Variants in MTMR4 observed in about 807,000 individuals in gnomAD.
The protein encoded by MTMR4 is phosphatidylinositol-3,5-bisphosphate 3-phosphatase MTMR4.
MTMR4 carries 30 observed loss-of-function variants against 125.5 expected under a neutral mutation model. The observed-to-expected ratio is 0.24, with a 90% CI of 0.18 to 0.32. MTMR4 has a LOEUF of 0.32. Ranked by LOEUF, MTMR4 falls within the 10% of genes least tolerant of loss-of-function variation. MTMR4 has a pLI of 1.00. For synonymous variants in MTMR4, 498 were observed against 564.5 expected, an observed-to-expected ratio of 0.88 and a Z score of 1.67; for missense variants, 1,039 against 1,511.5, an observed-to-expected ratio of 0.69 and a Z score of 5.18.
At chr17:58,515,107 A>G, upstream of MTMR4, 6 of 957,744 alleles carry the variant, frequency 6.3e-6, no homozygotes, top group Non-Finnish European at 7.5e-6. Context: ...TGAGCTTTTT[A>G]TTCCAACGCC....
upstream of MTMR4, among the ~76,000 whole-genome samples, chr17:58,518,460 T>C (rs1230468714): frequency 1.3e-5 from 2 of 152,118 alleles, no homozygotes; most frequent in South Asian, 4.1e-4. Context: ...TCAGTCTTGG[T>C]CATCTCCGAC....
chr17:58,512,736 G>T lies in MTMR4; in HGVS notation c.135+116C>A. ...CAAACCCTCCTCCTCCAGAGACCAG[G>T]GAACATGAAGCCAGAGCTCTGGTAC... is the stretch of plus-strand genomic sequence containing the variant. On this transcript the variant is annotated intron_variant, in intron 2 of 17. Coordinates refer to ENST00000682306, the MANE Select transcript of MTMR4 (RefSeq NM_001378067.1). The surrounding 1 kb of genome is among the most constrained non-coding windows in gnomAD (Gnocchi z 4.1). The T allele has an allele frequency of 1.1e-6, 1 of 936,594 alleles. No individual in the cohort carries two copies. Among genetic ancestry groups the T allele is most frequent in the Non-Finnish European group, 1.7e-6 (1 of 599,264 alleles). 58.0% of individuals were successfully genotyped at this position (936,594 alleles called of 1,614,324 possible). A position where few individuals can be genotyped will look rare whatever the true frequency, so the allele number is the denominator to read the frequency against.
chr17:58,515,393 T>G (rs1950913818), upstream of MTMR4, among the ~76,000 whole-genome samples: 2 of 152,156 alleles, frequency 1.3e-5, no homozygotes, highest in African/African-American at 4.8e-5. Context: ...AACCCCAAAC[T>G]TCCTGCACCT....
Position 58,495,773 on chromosome 17 carries a change from G to C in MTMR4, c.2411C>G (p.Pro804Arg). The stretch of plus-strand genomic sequence containing the variant: ...CATGGAGTCTGGCTGGGCCTGTTGG[G>C]GCGTACCTGTAGGAGAGTTCTGGGA... ...ESSQNSPTGT[P>R]QQAQPDSMLG... Residue 804 changes from proline to arginine, a missense_variant, in exon 15 of 18, where the codon CCC (proline) becomes CGC (arginine). This residue lies in a region of MTMR4 where 619 missense variants were observed against 714.5 expected (regional missense o/e 0.87). Coordinates refer to ENST00000682306, the MANE Select transcript of MTMR4 (RefSeq NM_001378067.1). The C allele has an allele frequency of 6.2e-7, 1 of 1,614,160 alleles. No homozygotes were observed. Among genetic ancestry groups the C allele is most frequent in the Non-Finnish European group, 8.5e-7 (1 of 1,180,042 alleles).
intron 4 of MTMR4, among the ~76,000 whole-genome samples, chr17:58,509,503 C>T (rs1975870348): frequency 6.6e-6 from 1 of 150,722 alleles, no homozygotes; most frequent in Non-Finnish European, 1.5e-5. Context: ...CCTGCAGCCT[C>T]GACCTCCTGG....
At chr17:58,516,780 T>C (rs2143951413), upstream of MTMR4, among the ~76,000 whole-genome samples, 1 of 152,232 alleles carries the variant, frequency 6.6e-6, no homozygotes, top group East Asian at 1.9e-4. Context: ...AGAGAGGCAA[T>C]GGGAGCTACA....
In MTMR4 at chr17:58,496,330, T is replaced by A; in HGVS notation, c.1854A>T (p.Arg618Ser). Residue 618 changes from arginine (R) to serine (S), a missense_variant and splice_region_variant, in exon 15 of 18, where the codon AGA becomes AGT. Physicochemically the swap from Arg to Ser is moderately radical, Grantham distance 110 (BLOSUM62 -1). This residue lies in a region of MTMR4 where 619 missense variants were observed against 714.5 expected (regional missense o/e 0.87). Coordinates refer to ENST00000682306, the MANE Select transcript of MTMR4 (RefSeq NM_001378067.1). ...SQEFSGRSLDRLPKTRSMDDL... is the reference protein window; with the variant it reads ...SQEFSGRSLDSLPKTRSMDDL... ...CATCCATGGATCTGGTTTTAGGTAATCTGGAAAGACAAATATAACACCTCC... is the reference window on the plus strand; with the variant it reads ...CATCCATGGATCTGGTTTTAGGTAAACTGGAAAGACAAATATAACACCTCC... 6.3e-7 allele frequency: 1 copy of A among 1,598,280 alleles called. No individual in the cohort carries two copies. Among genetic ancestry groups the A allele is most frequent in the Non-Finnish European group, 8.5e-7 (1 of 1,172,298 alleles).
intron 14 of MTMR4, 76 bp downstream of exon 14, chr17:58,503,668 G>C: frequency 6.8e-7 from 1 of 1,468,974 alleles, no homozygotes; most frequent in Non-Finnish European, 9.1e-7. Context: ...GAAAGAAAGA[G>C]AACATTTAGA....
At chr17:58,507,973 A>C in intron 7 of MTMR4, 188 bp downstream of exon 7, 6 of 530,772 alleles carry the variant, frequency 1.1e-5, no homozygotes, top group Non-Finnish European at 1.0e-5. Context: ...AAGGGGGGGA[A>C]TGAATAAACT....
chr17:58,492,459 G>T, intron 17 of MTMR4, 52 bp downstream of exon 17: 1 of 1,532,326 alleles, frequency 6.5e-7, no homozygotes, highest in Non-Finnish European at 8.9e-7. Context: ...GTGAGCCACT[G>T]CGCCTGGCCT....
chr17:58,495,815 C>T lies in MTMR4; in HGVS notation c.2369G>A (p.Cys790Tyr). The T allele has an allele frequency of 6.2e-7, 1 of 1,614,188 alleles. No homozygotes were observed. Among genetic ancestry groups the T allele is most frequent in the African/African-American group, 1.3e-5 (1 of 75,044 alleles). Residue 790 changes from cysteine (C) to tyrosine (Y), a missense_variant, in exon 15 of 18, where the codon TGT becomes TAT. Cys to Tyr is a radical substitution (Grantham distance 194). Around this residue, in one of 6 missense-constraint regions of MTMR4, gnomAD observed 619 missense variants for 714.5 expected, o/e 0.87. Coordinates refer to ENST00000682306, the MANE Select transcript of MTMR4 (RefSeq NM_001378067.1). ...GTTCTGGGAAGACTCAGGAAAATTA[C>T]AAACTCCATCACACTTGTTAGAAAT... Reference protein sequence around the residue: ...KVISNKCDGVCNFPESSQNSP... With the variant: ...KVISNKCDGVYNFPESSQNSP...
In MTMR4 at chr17:58,495,430, C is replaced by T. The variant is rs1401106788; in HGVS notation, c.2754G>A (p.Gly918=). 9.9e-6 allele frequency: 16 copies of T among 1,614,146 alleles called. No individual in the cohort carries two copies. The highest frequency in any genetic ancestry group is 1.4e-5 in the Non-Finnish European group (16 of 1,180,060). ...QSQISEFSFL[G]SNWDSFQGMV... is the part of the protein sequence containing the mutation. ...TCCCTTGGAAGCTGTCCCAGTTGGACCCTAGAAAAGAGAACTCACTGATCT... is the reference window on the plus strand; with the variant it reads ...TCCCTTGGAAGCTGTCCCAGTTGGATCCTAGAAAAGAGAACTCACTGATCT... Residue 918 remains glycine, a synonymous_variant, in exon 15 of 18, where the codon GGG becomes GGA. Coordinates refer to ENST00000682306, the MANE Select transcript of MTMR4 (RefSeq NM_001378067.1).
At chr17:58,507,097 G>T (rs200006092) in intron 8 of MTMR4, 26 bp downstream of exon 8, 401 of 1,613,294 alleles carry the variant, frequency 2.5e-4, no homozygotes, top group Non-Finnish European at 2.7e-4. Flanking sequence ...CTGCTCCCTG[G>T]GGGGTTAGCA....
chr17:58,500,290 C>T (rs1401309818), intron 14 of MTMR4, among the ~76,000 whole-genome samples: 1 of 152,140 alleles, frequency 6.6e-6, no homozygotes, highest in African/African-American at 2.4e-5. Flanking sequence ...CCATGCCTGG[C>T]TAATTTTTGC....
chr17:58,511,325 A>G, intron 4 of MTMR4, 104 bp downstream of exon 4: 1 of 1,048,936 alleles, frequency 9.5e-7, no homozygotes, highest in Middle Eastern at 3.1e-4. Flanking sequence ...AACTGGGGAA[A>G]GTGAGGCAGG....
intron 1 of MTMR4, among the ~76,000 whole-genome samples, chr17:58,513,443 C>T (rs1477804985): frequency 1.3e-5 from 2 of 152,032 alleles, no homozygotes; most frequent in Non-Finnish European, 2.9e-5. Context: ...TTCAGTCCCA[C>T]GCCTCTAGAG....
Position 58,512,637 on chromosome 17 carries a change from A to G in MTMR4, c.136-131T>C. The stretch of plus-strand genomic sequence containing the variant: ...AAGAGAGGAGAGTTCTCTCCACGGT[A>G]ACAGCACCAGGCAACAGCTGTACAG... On this transcript the variant is annotated intron_variant, in intron 2 of 17. Coordinates refer to ENST00000682306, the MANE Select transcript of MTMR4 (RefSeq NM_001378067.1). The surrounding 1 kb of genome is among the most constrained non-coding windows in gnomAD (Gnocchi z 4.1). The G allele has an allele frequency of 9.6e-6, 8 of 836,768 alleles. No individual in the cohort carries two copies. Among genetic ancestry groups the G allele is most frequent in the Non-Finnish European group, 1.6e-5 (8 of 508,028 alleles). 51.8% of individuals were successfully genotyped at this position (836,768 alleles called of 1,614,324 possible).
intron 4 of MTMR4, among the ~76,000 whole-genome samples, chr17:58,509,284 C>T (rs1219856576): frequency 6.6e-6 from 1 of 151,536 alleles, no homozygotes; most frequent in Non-Finnish European, 1.5e-5. Context: ...TCCTCTCTGC[C>T]TAGCCACATC....
At chr17:58,506,606 G>T in intron 9 of MTMR4, 137 bp downstream of exon 9, 1 of 1,064,538 alleles carries the variant, frequency 9.4e-7, no homozygotes, top group Non-Finnish European at 1.3e-6. Context: ...CATAGCCATA[G>T]CTAGTAGGTA....
Sources: gnomAD v4.1 joint callset for allele counts (sites outside exome capture counted in the v4.1 genomes callset) on GRCh38, gnomAD v4.1.1 for gene constraint, gnomAD v4.1.1 regional missense constraint, Gnocchi (gnomAD v3.1) non-coding constraint, MANE v1.5 for transcripts, NCBI Gene and HGNC (gene_info 2026-07-23, HGNC 2026-07-21) for gene names.